PIWIL2: variants seen among roughly 807,000 people sequenced by gnomAD.
The protein encoded by PIWIL2 is piwi-like protein 2.
A neutral mutation model predicts 116.5 loss-of-function variants in PIWIL2; 81 were observed. The observed-to-expected ratio is 0.70, with a 90% CI of 0.58 to 0.84. The LOEUF is 0.84. PIWIL2 is among the 40% of genes least tolerant of loss of function. The pLI is 0.00. For missense variants in PIWIL2, 1,272 were observed against 1,212.3 expected, an observed-to-expected ratio of 1.05 and a Z score of -0.73; for synonymous variants, 489 against 429.5, an observed-to-expected ratio of 1.14 and a Z score of -1.71.
At chr8:22,310,823 A>G (rs1022863347) in intron 15 of PIWIL2, among the ~76,000 whole-genome samples, 5 of 152,162 alleles carry the variant, frequency 3.3e-5, no homozygotes, top group Admixed American at 2.6e-4. Context: ...GGAATCATAG[A>G]TTATATATTC....
chr8:22,308,222 GTC>G lies in PIWIL2; in HGVS notation c.1686+151_1686+152del, dbSNP rs1446046310. On this transcript the variant is annotated intron_variant, in intron 14 of 22. Transcript: ENST00000356766. ...GTTTTTTTTTTTTTTTTGAGACAGA[GTC>G]TTATTGGGATTACAGGTATGAACCT... is the stretch of plus-strand genomic sequence containing the variant. 1.5e-4 allele frequency: 87 copies of G among 594,568 alleles called. No individual in the cohort carries two copies. In the East Asian group the frequency reaches 2.5e-3, roughly 17 times the overall value. The allele number at this position is 594,568 out of a possible 1,614,324, so 36.8% of individuals were successfully genotyped here.
intron 20 of PIWIL2, among the ~76,000 whole-genome samples, chr8:22,348,942 C>G (rs773241188): frequency 3.9e-5 from 6 of 152,114 alleles, no homozygotes; most frequent in Non-Finnish European, 7.4e-5. Flanking sequence ...GGAGGCCTAC[C>G]TAGGGCTGAG....
intron 10 of PIWIL2, among the ~76,000 whole-genome samples, chr8:22,302,169 A>G (rs1563371935): frequency 6.6e-6 from 1 of 151,120 alleles, no homozygotes; most frequent in Non-Finnish European, 1.5e-5. Context: ...GCAAGTCTAG[A>G]TGGTTTATTT....
At position 22,316,400 on chromosome 8, in the gene PIWIL2, C is replaced by T. The variant is rs535546345; in HGVS notation, c.2297+67C>T. ...TTTAGTGCCTAATCTTATTATAAAT[C>T]CAGCAAATCTTTTTAGCATTATGTA... On this transcript the variant is annotated intron_variant, in intron 19 of 22. Coordinates refer to ENST00000356766, the MANE Select transcript of PIWIL2 (RefSeq NM_018068.5). The T allele has an allele frequency of 1.9e-4, 180 of 930,836 alleles. 5 individuals carry two copies. The South Asian group carries it at 2.3e-3, about 12-fold the overall frequency. The allele number at this position is 930,836 out of a possible 1,614,324, so 57.7% of individuals were successfully genotyped here. A position where few individuals can be genotyped will look rare whatever the true frequency, so the allele number is the denominator to read the frequency against.
chr8:22,289,439 C>T (rs1298421814), intron 8 of PIWIL2, among the ~76,000 whole-genome samples: 1 of 152,188 alleles, frequency 6.6e-6, no homozygotes, highest in Non-Finnish European at 1.5e-5. Flanking sequence ...GCGTAAGCCA[C>T]CGCGCCCGGC....
intron 20 of PIWIL2, among the ~76,000 whole-genome samples, chr8:22,348,169 CG>C (rs1362243835): frequency 6.6e-6 from 1 of 151,900 alleles, no homozygotes; most frequent in African/African-American, 2.4e-5. Flanking sequence ...GGCATGATGG[CG>C]GGTGTCTGTA....
intron 10 of PIWIL2, among the ~76,000 whole-genome samples, chr8:22,294,847 G>A (rs913262571): frequency 7.3e-6 from 1 of 136,640 alleles, no homozygotes; most frequent in African/African-American, 2.6e-5. Flanking sequence ...GATCACTTGA[G>A]GTCAGGAAGT....
intron 20 of PIWIL2, among the ~76,000 whole-genome samples, chr8:22,325,643 C>G (rs1228967630): frequency 6.6e-6 from 1 of 151,790 alleles, no homozygotes; most frequent in African/African-American, 2.4e-5. Flanking sequence ...GCCACCACAC[C>G]CAGCTAATTT....
At chr8:22,315,533 TCTC>T (rs1477791053) in intron 18 of PIWIL2, among the ~76,000 whole-genome samples, 4 of 152,134 alleles carry the variant, frequency 2.6e-5, no homozygotes, top group Non-Finnish European at 1.5e-5. Flanking sequence ...GCCAGGCTGG[TCTC>T]AAACTCCTGA....
At chr8:22,291,554 G>C (rs1447177305) in intron 10 of PIWIL2, among the ~76,000 whole-genome samples, 1 of 152,166 alleles carries the variant, frequency 6.6e-6, no homozygotes, top group Non-Finnish European at 1.5e-5. Context: ...TTACTTAATG[G>C]AAGGGCTGAA....
intron 20 of PIWIL2, among the ~76,000 whole-genome samples, chr8:22,329,902 T>C (rs538101681): frequency 1.3e-5 from 2 of 152,318 alleles, no homozygotes; most frequent in African/African-American, 4.8e-5. Flanking sequence ...ACCCAGGGGA[T>C]AGCTGATGTT....
At chr8:22,305,870 T>C in intron 12 of PIWIL2, 57 bp from the exon 13 acceptor site, 1 of 1,247,218 alleles carries the variant, frequency 8.0e-7, no homozygotes, top group East Asian at 2.3e-5. Flanking sequence ...TCCTGTATGG[T>C]CGGGAACATG....
intron 1 of PIWIL2, among the ~76,000 whole-genome samples, chr8:22,277,109 C>T (rs917015966): frequency 1.3e-5 from 2 of 151,992 alleles, no homozygotes; most frequent in South Asian, 2.1e-4. Context: ...GCAACCTCCG[C>T]CTCCTGGGTT....
chr8:22,280,125 C>T (rs898223266), intron 2 of PIWIL2, among the ~76,000 whole-genome samples: 1 of 152,096 alleles, frequency 6.6e-6, no homozygotes, highest in African/African-American at 2.4e-5. Context: ...TTGGTAAGTA[C>T]CATAGGTCCT....
At chr8:22,354,807 C>G (rs1032357168) in intron 22 of PIWIL2, among the ~76,000 whole-genome samples, 4 of 152,164 alleles carry the variant, frequency 2.6e-5, no homozygotes, top group Non-Finnish European at 4.4e-5. Context: ...CGGTGGCTCA[C>G]GCCTATAATC....
At chr8:22,306,459 T>C (rs183416986) in intron 13 of PIWIL2, among the ~76,000 whole-genome samples, 2 of 152,184 alleles carry the variant, frequency 1.3e-5, no homozygotes, top group Admixed American at 6.5e-5. Context: ...GAGATGAGGA[T>C]GGTTTATCTT....
intron 6 of PIWIL2, among the ~76,000 whole-genome samples, chr8:22,284,744 G>A (rs1010052551): frequency 6.7e-6 from 1 of 149,820 alleles, no homozygotes; most frequent in African/African-American, 2.5e-5. Context: ...GACAGTCTAG[G>A]GTTAAATTTA....
At chr8:22,293,145 T>C (rs949196479) in intron 10 of PIWIL2, among the ~76,000 whole-genome samples, 1 of 152,196 alleles carries the variant, frequency 6.6e-6, no homozygotes, top group Non-Finnish European at 1.5e-5. Flanking sequence ...GCTTTTCTGC[T>C]TAGAAAGGTC....
At chr8:22,320,361 G>C (rs573661764) in intron 20 of PIWIL2, among the ~76,000 whole-genome samples, 13 of 142,694 alleles carry the variant, frequency 9.1e-5, no homozygotes, top group African/African-American at 3.3e-4. Flanking sequence ...TCTGCTTCCC[G>C]GATTCAAGCA....
Sources: allele counts gnomAD v4.1 joint callset (sites outside exome capture counted in the v4.1 genomes callset), GRCh38; gene constraint gnomAD v4.1.1; transcripts MANE v1.5; gene names NCBI Gene and HGNC (gene_info 2026-07-23, HGNC 2026-07-21).